Variants in MALRD1 observed in about 807,000 individuals in gnomAD.
MALRD1 encodes MAM and LDL-receptor class A domain-containing protein 1.
Under a neutral mutation model 242.1 loss-of-function variants are expected in MALRD1, and 247 were observed. That is an observed-to-expected ratio of 1.02 (90% CI 0.92 to 1.13). The LOEUF (loss-of-function observed/expected upper bound fraction) is 1.13, where lower values mean the gene tolerates loss of function less well. MALRD1 is among the 50% of genes most tolerant of loss of function. MALRD1 has a pLI of 0.00. For missense variants in MALRD1, 2,989 were observed against 2,533.1 expected (o/e 1.18, Z -3.86); for synonymous variants, 995 against 866.6 (o/e 1.15, Z -2.60).
intron 31 of MALRD1, among the ~76,000 whole-genome samples, chr10:19,519,521 G>A (rs59289265): frequency 0.09 from 13,696 of 152,076 alleles, 639 homozygotes; most frequent in East Asian, 0.11. Context: ...TAGCACTTTG[G>A]CAGGCCGTCG....
intron 38 of MALRD1, among the ~76,000 whole-genome samples, chr10:19,704,290 C>T (rs1446166001): frequency 6.6e-6 from 1 of 152,288 alleles, no homozygotes; most frequent in Admixed American, 6.5e-5. Flanking sequence ...GCATTTAAGT[C>T]TCACAGTTCT....
chr10:19,124,806 G>A lies in MALRD1; in HGVS notation c.943+136G>A, dbSNP rs541003625. ...ATTGAAAATACATTCTGCCAAAGGA[G>A]CTGAAGGTGAAAATAACAATTATGT... On this transcript the variant is annotated intron_variant, in intron 7 of 39. Coordinates refer to ENST00000454679, the MANE Select transcript of MALRD1 (RefSeq NM_001142308.3). The A allele has an allele frequency of 4.1e-5, 28 of 684,166 alleles. No individual in the cohort carries two copies. The African/African-American group carries it at 4.3e-4, about 10-fold the overall frequency. The allele number at this position is 684,166 out of a possible 1,614,324, so 42.4% of individuals were successfully genotyped here. A position where few individuals can be genotyped will look rare whatever the true frequency, so the allele number is the denominator to read the frequency against.
chr10:19,201,452 G>C (rs116994217), intron 14 of MALRD1, among the ~76,000 whole-genome samples: 4 of 152,106 alleles, frequency 2.6e-5, no homozygotes, highest in Admixed American at 6.5e-5. Flanking sequence ...TCCCTGGATA[G>C]CAGATAATAA....
chr10:19,145,269 C>A (rs145715536), intron 10 of MALRD1, among the ~76,000 whole-genome samples: 1 of 152,044 alleles, frequency 6.6e-6, no homozygotes, highest in Non-Finnish European at 1.5e-5. Flanking sequence ...GCTCCAAACC[C>A]CGACTTTCTC....
At chr10:19,095,284 C>T (rs1835985517) in intron 4 of MALRD1, among the ~76,000 whole-genome samples, 1 of 152,062 alleles carries the variant, frequency 6.6e-6, no homozygotes, top group African/African-American at 2.4e-5. Context: ...GGTTGTAAAT[C>T]ACTATAATTT....
chr10:19,261,418 G>T (rs1305674795), intron 19 of MALRD1, among the ~76,000 whole-genome samples: 1 of 132,758 alleles, frequency 7.5e-6, no homozygotes, highest in Non-Finnish European at 1.6e-5. Context: ...ACCATAAAAT[G>T]AAACAAAAAT....
chr10:19,411,357 C>G (rs758685666), intron 28 of MALRD1, among the ~76,000 whole-genome samples: 2 of 152,084 alleles, frequency 1.3e-5, no homozygotes, highest in East Asian at 3.9e-4. Context: ...CCCTGGTGCT[C>G]TCTAATACCA....
At chr10:19,644,380 G>A (rs1015285250) in intron 36 of MALRD1, among the ~76,000 whole-genome samples, 2 of 46,798 alleles carry the variant, frequency 4.3e-5, no homozygotes, top group African/African-American at 1.6e-4. Context: ...CATTAACGTT[G>A]CCTGGAGGCT....
intron 28 of MALRD1, among the ~76,000 whole-genome samples, chr10:19,413,563 G>GA (rs35885572): frequency 0.61 from 91,786 of 150,482 alleles, 28,506 homozygotes; most frequent in Non-Finnish European, 0.68. Flanking sequence ...TTTTAATCAT[G>GA]AAAAAAAAAG....
intron 32 of MALRD1, among the ~76,000 whole-genome samples, chr10:19,539,852 T>TTTTG (rs1554795755): frequency 0.13 from 8,335 of 62,588 alleles, 459 homozygotes; most frequent in African/African-American, 0.18. Context: ...ACACCCAGCT[T>TTTTG]TGTGCGTGTG....
intron 28 of MALRD1, among the ~76,000 whole-genome samples, chr10:19,390,864 A>T (rs1037388995): frequency 6.6e-6 from 1 of 152,184 alleles, no homozygotes; most frequent in Non-Finnish European, 1.5e-5. Context: ...AATAAAATAC[A>T]TGTTGCAAGA....
chr10:19,631,068 G>A (rs1183755104), intron 36 of MALRD1, among the ~76,000 whole-genome samples: 1 of 152,116 alleles, frequency 6.6e-6, no homozygotes, highest in Non-Finnish European at 1.5e-5. Context: ...ATGGAGGTTT[G>A]TTGGACAGAT....
intron 28 of MALRD1, among the ~76,000 whole-genome samples, chr10:19,392,680 C>T (rs1221656319): frequency 6.6e-6 from 1 of 152,036 alleles, no homozygotes; most frequent in African/African-American, 2.4e-5. Flanking sequence ...TGTCTTCAGT[C>T]AAGCAATGGG....
At chr10:19,597,472 A>G (rs1015751437) in intron 34 of MALRD1, among the ~76,000 whole-genome samples, 11 of 152,234 alleles carry the variant, frequency 7.2e-5, no homozygotes, top group Non-Finnish European at 7.3e-5. Flanking sequence ...GAGCAAAATT[A>G]TAGAATAAGA....
chr10:19,623,824 A>G (rs552084625), intron 36 of MALRD1, among the ~76,000 whole-genome samples: 29 of 151,814 alleles, frequency 1.9e-4, no homozygotes, highest in South Asian at 1.4e-3. Flanking sequence ...TTAAAATGCT[A>G]ATCTCTTCTG....
At chr10:19,530,418 A>ATATAAATTTATATAAATATTTAT (rs1200557957) in intron 31 of MALRD1, among the ~76,000 whole-genome samples, 1,174 of 83,620 alleles carry the variant, frequency 0.014, 261 homozygotes, top group Non-Finnish European at 0.021. Flanking sequence ...TTTATATAAT[A>ATATAAATTTATATAAATATTTAT]ATAAATATAT....
At chr10:19,194,049 T>G (rs969976869) in intron 14 of MALRD1, among the ~76,000 whole-genome samples, 18 of 130,132 alleles carry the variant, frequency 1.4e-4, no homozygotes, top group Admixed American at 2.3e-4. Flanking sequence ...TCTAAAAAAA[T>G]TATATTATTT....
intron 2 of MALRD1, among the ~76,000 whole-genome samples, chr10:19,080,155 G>T (rs949333413): frequency 7.9e-5 from 12 of 151,928 alleles, no homozygotes; most frequent in African/African-American, 2.7e-4. Flanking sequence ...CATGCTCATG[G>T]GTAGGAGGAT....
intron 21 of MALRD1, among the ~76,000 whole-genome samples, chr10:19,314,513 G>A (rs949194300): frequency 6.6e-6 from 1 of 151,598 alleles, no homozygotes; most frequent in African/African-American, 2.4e-5. Flanking sequence ...CATGAAATGG[G>A]CATATCTGGG....
Sources: allele counts gnomAD v4.1 joint callset (sites outside exome capture counted in the v4.1 genomes callset), GRCh38; gene constraint gnomAD v4.1.1; transcripts MANE v1.5; gene names NCBI Gene and HGNC (gene_info 2026-07-23, HGNC 2026-07-21).